The following SRGAP1 variants were observed in gnomAD, a reference collection of about 807,000 sequenced individuals.
The protein encoded by SRGAP1 is SLIT-ROBO Rho GTPase-activating protein 1.
SRGAP1 carries 43 observed loss-of-function variants against 121.9 expected under a neutral mutation model. The observed-to-expected ratio is 0.35, with a 90% CI of 0.28 to 0.46. SRGAP1 has a LOEUF of 0.46. Ranked by LOEUF, SRGAP1 falls within the 20% of genes least tolerant of loss-of-function variation. SRGAP1 has a pLI of 1.00. For missense variants in SRGAP1, 1,102 were observed against 1,350.9 expected (o/e 0.82, Z 2.89); for synonymous variants, 447 against 485.4 (o/e 0.92, Z 1.04).
At chr12:63,855,096 A>G (rs983073515) in intron 1 of SRGAP1, among the ~76,000 whole-genome samples, 3 of 152,194 alleles carry the variant, frequency 2.0e-5, no homozygotes, top group Non-Finnish European at 4.4e-5. Context: ...CAGACTGGAG[A>G]TGTCCAATCC....
chr12:63,950,988 A>G (rs1238671207), intron 1 of SRGAP1, among the ~76,000 whole-genome samples: 1 of 146,732 alleles, frequency 6.8e-6, no homozygotes, highest in East Asian at 2.0e-4. Context: ...TTATATGACA[A>G]TTGTCTGATT....
intron 18 of SRGAP1, among the ~76,000 whole-genome samples, chr12:64,118,929 A>T (rs2036563377): frequency 6.6e-6 from 1 of 151,872 alleles, no homozygotes; most frequent in South Asian, 2.1e-4. Flanking sequence ...CTGGTCTCAA[A>T]CTCCTGACCT....
At chr12:63,995,322 T>A (rs1053627307) in intron 3 of SRGAP1, among the ~76,000 whole-genome samples, 7 of 152,176 alleles carry the variant, frequency 4.6e-5, no homozygotes, top group African/African-American at 1.7e-4. Flanking sequence ...TTTCATAAAT[T>A]AGCTCACATA....
chr12:63,912,973 C>T (rs2030570742), intron 1 of SRGAP1, among the ~76,000 whole-genome samples: 1 of 152,046 alleles, frequency 6.6e-6, no homozygotes, highest in Non-Finnish European at 1.5e-5. Flanking sequence ...GAGTCAAGTG[C>T]TTTCCTTAGT....
At chr12:64,121,419 AT>A (rs948100952) in intron 18 of SRGAP1, among the ~76,000 whole-genome samples, 1 of 151,048 alleles carries the variant, frequency 6.6e-6, no homozygotes, top group African/African-American at 2.4e-5. Flanking sequence ...TTTTATTTTT[AT>A]TTTTTTTCTT....
chr12:63,936,237 G>T (rs1256528134), intron 1 of SRGAP1, among the ~76,000 whole-genome samples: 2 of 152,150 alleles, frequency 1.3e-5, no homozygotes, highest in Admixed American at 6.5e-5. Flanking sequence ...AGGAACTGGG[G>T]CTCAAGCTGG....
At chr12:63,931,526 A>G (rs930877014) in intron 1 of SRGAP1, among the ~76,000 whole-genome samples, 1 of 152,214 alleles carries the variant, frequency 6.6e-6, no homozygotes, top group African/African-American at 2.4e-5. Context: ...ATATGGATGA[A>G]GCACTGTGTT....
intron 15 of SRGAP1, among the ~76,000 whole-genome samples, chr12:64,103,553 T>C (rs954093559): frequency 1.3e-5 from 2 of 152,222 alleles, no homozygotes; most frequent in South Asian, 2.1e-4. Context: ...TGGTGCTCAA[T>C]ATATGTTTTT....
chr12:64,109,774 A>T (rs956710847), intron 16 of SRGAP1, among the ~76,000 whole-genome samples: 2 of 152,236 alleles, frequency 1.3e-5, no homozygotes, highest in African/African-American at 4.8e-5. Context: ...ATGCCTTCTC[A>T]TGCTAGCATG....
intron 8 of SRGAP1, among the ~76,000 whole-genome samples, chr12:64,078,048 T>C (rs1179912745): frequency 6.6e-6 from 1 of 152,178 alleles, no homozygotes; most frequent in Non-Finnish European, 1.5e-5. Flanking sequence ...CACAGTGAGA[T>C]ACCACTGCAC....
At chr12:63,857,724 T>G (rs2136262233) in intron 1 of SRGAP1, among the ~76,000 whole-genome samples, 1 of 152,334 alleles carries the variant, frequency 6.6e-6, no homozygotes, top group South Asian at 2.1e-4. Context: ...GTCTGCTATT[T>G]CAAAGAATTT....
intron 4 of SRGAP1, among the ~76,000 whole-genome samples, chr12:64,029,656 C>T (rs1427265981): frequency 1.3e-5 from 2 of 152,082 alleles, no homozygotes; most frequent in African/African-American, 4.8e-5. Context: ...CAGGGAACTC[C>T]GTACACTCTA....
Position 64,158,322 on chromosome 12 carries a change from G to A in SRGAP1, c.*15650G>A, listed in dbSNP as rs1468324977. On this transcript the variant is annotated 3_prime_UTR_variant, in exon 22 of 22. Coordinates refer to ENST00000355086, the MANE Select transcript of SRGAP1 (RefSeq NM_020762.4). ...AAATTTCTCATTTCTGGTTTGTCAGGGATGAAATACTAAAGCAACTTCATG... is the reference window on the plus strand; with the variant it reads ...AAATTTCTCATTTCTGGTTTGTCAGAGATGAAATACTAAAGCAACTTCATG... 6.6e-6 allele frequency: 1 copy of A among 152,052 alleles called. No individual in the cohort carries two copies. The highest frequency in any genetic ancestry group is 1.5e-5 in the Non-Finnish European group (1 of 68,022). 9.4% of individuals were successfully genotyped at this position (152,052 alleles called of 1,614,324 possible).
intron 4 of SRGAP1, among the ~76,000 whole-genome samples, chr12:64,034,166 A>T (rs1181228156): frequency 6.6e-6 from 1 of 151,718 alleles, no homozygotes; most frequent in Non-Finnish European, 1.5e-5. Context: ...AGGTGATTGG[A>T]TCATGGGGGT....
intron 19 of SRGAP1, among the ~76,000 whole-genome samples, chr12:64,127,153 A>G (rs576347091): frequency 6.6e-6 from 1 of 152,312 alleles, no homozygotes; most frequent in South Asian, 2.1e-4. Flanking sequence ...AGTGCACTCT[A>G]TGATGTTCCC....
intron 3 of SRGAP1, among the ~76,000 whole-genome samples, chr12:64,012,451 A>G (rs1412608557): frequency 6.7e-6 from 1 of 148,754 alleles, no homozygotes; most frequent in Non-Finnish European, 1.5e-5. Flanking sequence ...AGAAACATTG[A>G]TTGCTTTTCT....
chr12:64,036,363 A>G (rs2034903242), intron 4 of SRGAP1, among the ~76,000 whole-genome samples: 1 of 152,068 alleles, frequency 6.6e-6, no homozygotes, highest in South Asian at 2.1e-4. Context: ...CTGTGGTATT[A>G]CCCCAGTGGT....
intron 1 of SRGAP1, among the ~76,000 whole-genome samples, chr12:63,877,213 AAAC>A (rs1318078736): frequency 6.6e-6 from 1 of 152,196 alleles, no homozygotes; most frequent in Admixed American, 6.6e-5. Flanking sequence ...AACAAGAGTG[AAAC>A]TCCATCTCAA....
chr12:64,141,256 AAAACTT>A (rs2036954221), intron 21 of SRGAP1, among the ~76,000 whole-genome samples: 1 of 139,490 alleles, frequency 7.2e-6, no homozygotes, highest in South Asian at 2.4e-4. Flanking sequence ...CATGTACCCT[AAAACTT>A]AAAGTATAAT....
Sources: gnomAD v4.1 joint callset for allele counts (sites outside exome capture counted in the v4.1 genomes callset) on GRCh38, gnomAD v4.1.1 for gene constraint, MANE v1.5 for transcripts, NCBI Gene and HGNC (gene_info 2026-07-23, HGNC 2026-07-21) for gene names.